Variants in TRAP1 observed in about 807,000 individuals in gnomAD.
The protein encoded by TRAP1 is heat shock protein 75 kDa, mitochondrial.
TRAP1 carries 102 observed loss-of-function variants against 89.1 expected under a neutral mutation model. That is an observed-to-expected ratio of 1.15 (90% CI 0.98 to 1.35). TRAP1 has a LOEUF of 1.35. TRAP1 is among the 40% of genes most tolerant of loss of function. The probability of loss-of-function intolerance (pLI) is 0.00; values close to 1 mark genes in which losing one functional copy is unlikely to be tolerated. For synonymous variants in TRAP1, 508 were observed against 388.0 expected (o/e 1.31, Z -3.64); for missense variants, 1,256 against 945.3 (o/e 1.33, Z -4.31).
At position 3,676,997 on chromosome 16, in the gene TRAP1, T is replaced by A. The variant is rs558057962; in HGVS notation, c.704+501A>T. ...TGAACCTGGGAGGCGGAGGTGGCAG[T>A]GAGCCAAGATTGTGCCATTGCACTC... On this transcript the variant is annotated intron_variant, in intron 6 of 17. Coordinates refer to ENST00000246957, the MANE Select transcript of TRAP1 (RefSeq NM_016292.3). The A allele has an allele frequency of 2.7e-5, 4 of 150,436 alleles. No individual in the cohort carries two copies. In the East Asian group the frequency reaches 7.9e-4, roughly 30 times the overall value. The allele number at this position is 150,436 out of a possible 1,614,324, so 9.3% of individuals were successfully genotyped here.
chr16:3,690,595 C>T (rs530565725), intron 2 of TRAP1, among the ~76,000 whole-genome samples: 24 of 152,252 alleles, frequency 1.6e-4, no homozygotes, highest in Admixed American at 3.3e-4. Flanking sequence ...GGGGAGGTGC[C>T]GGACGGCAAA....
At chr16:3,693,014 G>C (rs2051237266) in intron 1 of TRAP1, among the ~76,000 whole-genome samples, 1 of 151,668 alleles carries the variant, frequency 6.6e-6, no homozygotes. Flanking sequence ...CTGGAGTGCA[G>C]TGATCTCGGC....
intron 17 of TRAP1, 42 bp downstream of exon 17, chr16:3,658,751 G>A (rs1181966883): frequency 5.1e-6 from 8 of 1,580,954 alleles, no homozygotes; most frequent in Admixed American, 1.7e-5. Context: ...GGCAGGGCTG[G>A]TAGCCTGGGT....
Position 3,662,940 on chromosome 16 carries a change from G to C in TRAP1, c.1736C>G (p.Thr579Arg). 4 of 1,612,400 alleles carry C rather than the reference G, an allele frequency of 2.5e-6. No individual in the cohort carries two copies. Among genetic ancestry groups the C allele is most frequent in the Non-Finnish European group, 3.4e-6 (4 of 1,179,970 alleles). ...PAAECLSEKE[T>R]EELMAWMRNV... ...TCTCATCCAGGCCATGAGCTCCTCCGTCTCCTTCTCTGATAGGCACTCGGC... is the reference window on the plus strand; with the variant it reads ...TCTCATCCAGGCCATGAGCTCCTCCCTCTCCTTCTCTGATAGGCACTCGGC... The change falls in exon 15 of 18, where the codon ACG (threonine) becomes AGG (arginine). Residue 579 changes from threonine to arginine, a missense_variant. Physicochemically the swap from Thr to Arg is moderately conservative, Grantham distance 71 (BLOSUM62 -1). Coordinates refer to ENST00000246957, the MANE Select transcript of TRAP1 (RefSeq NM_016292.3).
intron 1 of TRAP1, among the ~76,000 whole-genome samples, chr16:3,701,674 C>T (rs1467491775): frequency 6.6e-6 from 1 of 152,088 alleles, no homozygotes; most frequent in Non-Finnish European, 1.5e-5. Context: ...ACACAGCAAG[C>T]TCTCCACGAG....
rs1179946106 is a variant in TRAP1 at position 3,676,151 on chromosome 16, G to A, written c.705-6C>T. The A allele has an allele frequency of 6.2e-7, 1 of 1,612,352 alleles. No homozygotes were observed. Among genetic ancestry groups the A allele is most frequent in the Admixed American group, 1.7e-5 (1 of 59,712 alleles). On this transcript the variant is annotated splice_region_variant and splice_polypyrimidine_tract_variant and intron_variant, in intron 6 of 17. Transcript: ENST00000246957. ...CGATTTCAAACACTCCAGAACTAAG[G>A]CAGGCAAAGAAAGGAAAAGCCAGGT...
rs763843509 is a variant in TRAP1 at position 3,674,452 on chromosome 16, G to C, written c.931C>G (p.His311Asp). 1.1e-5 allele frequency: 17 copies of C among 1,614,094 alleles called. No homozygotes were observed. The South Asian group carries it at 1.9e-4, about 18-fold the overall frequency. Residue 311 changes from histidine (H) to aspartate (D), a missense_variant, in exon 9 of 18, where the codon CAT becomes GAT. Coordinates refer to ENST00000246957, the MANE Select transcript of TRAP1 (RefSeq NM_016292.3). ...GCGACGTAGCGGTAGAACTCCTCAT[G>C]TTGCCACTCACGGACATCCTTGGGG... The part of the protein sequence containing the change: ...MDPKDVREWQ[H>D]EEFYRYVAQA...
At chr16:3,662,437 C>G (rs1482791817) in intron 15 of TRAP1, 1 of 549,846 alleles carries the variant, frequency 1.8e-6, no homozygotes, top group Non-Finnish European at 3.3e-6. Context: ...GCCCCTTCCT[C>G]CAAGTGACCA....
In TRAP1 at chr16:3,658,967, A is replaced by ACTGT. The variant is rs576945253; in HGVS notation, c.1941-106_1941-103dup. 4.9e-4 allele frequency: 580 copies of ACTGT among 1,191,622 alleles called. 1 individual carries two copies. Among genetic ancestry groups the ACTGT allele is most frequent in the Non-Finnish European group, 6.5e-4 (535 of 821,064 alleles). 73.8% of individuals were successfully genotyped at this position (1,191,622 alleles called of 1,614,324 possible). On this transcript the variant is annotated intron_variant, in intron 16 of 17. Transcript: ENST00000246957. Reference sequence around the variant, plus strand: ...AGGATATTTAAAGAAGCACAGTAAGACTGTCTGTAGTTTTTTAAATAAGGT... The same window carrying ACTGT: ...AGGATATTTAAAGAAGCACAGTAAGACTGTCTGTCTGTAGTTTTTTAAATAAGGT...
At chr16:3,675,681 G>A (rs2074800) in intron 7 of TRAP1, among the ~76,000 whole-genome samples, 17,085 of 152,222 alleles carry the variant, frequency 0.11, 1,566 homozygotes, top group African/African-American at 0.26. Context: ...CTGACTCCTG[G>A]GGGTACTCAG....
chr16:3,660,162 C>T (rs1436984253), intron 16 of TRAP1: 3 of 152,240 alleles, frequency 2.0e-5, no homozygotes, highest in Admixed American at 6.5e-5. Flanking sequence ...GGACCCACTG[C>T]ACAGCAAGTT....
chr16:3,687,676 G>A (rs1217507421), intron 3 of TRAP1, among the ~76,000 whole-genome samples: 1 of 151,992 alleles, frequency 6.6e-6, no homozygotes, highest in Non-Finnish European at 1.5e-5. Context: ...CTCAGCCCAG[G>A]AGTTCAAGAC....
intron 1 of TRAP1, among the ~76,000 whole-genome samples, chr16:3,705,096 G>C (rs564393771): frequency 1.6e-4 from 25 of 151,830 alleles, no homozygotes; most frequent in African/African-American, 5.8e-4. Flanking sequence ...ACGGAGTCTC[G>C]CTCTGTCGCC....
chr16:3,658,682 CAAACAAACAA>C, intron 17 of TRAP1, 101 bp downstream of exon 17: 1 of 1,129,070 alleles, frequency 8.9e-7, no homozygotes, highest in Non-Finnish European at 1.3e-6. Context: ...AAAAAACAAA[CAAACAAACAA>C]AAAGACAGGA....
intron 1 of TRAP1, among the ~76,000 whole-genome samples, chr16:3,707,776 C>T (rs1402649753): frequency 6.6e-6 from 1 of 150,448 alleles, no homozygotes; most frequent in African/African-American, 2.4e-5. Context: ...CTTGCTTGCA[C>T]TCGGGAAGCG....
At chr16:3,668,904 G>A (rs1596705273) in intron 11 of TRAP1, among the ~76,000 whole-genome samples, 1 of 152,204 alleles carries the variant, frequency 6.6e-6, no homozygotes, top group Non-Finnish European at 1.5e-5. Flanking sequence ...AGGATGGGGA[G>A]AGGAACGCAG....
intron 11 of TRAP1, among the ~76,000 whole-genome samples, chr16:3,669,385 C>T (rs146978792): frequency 2.8e-4 from 43 of 152,288 alleles, no homozygotes; most frequent in African/African-American, 9.4e-4. Flanking sequence ...GAAGCCAGCA[C>T]GGCTGTGTGG....
intron 5 of TRAP1, chr16:3,678,487 G>A (rs908359036): frequency 6.6e-6 from 1 of 152,202 alleles, no homozygotes; most frequent in African/African-American, 2.4e-5. Context: ...TTTTTGAGAT[G>A]GAGTGTCGCT....
At chr16:3,671,151 A>G (rs1280099246) in intron 11 of TRAP1, among the ~76,000 whole-genome samples, 2 of 151,870 alleles carry the variant, frequency 1.3e-5, no homozygotes, top group African/African-American at 4.8e-5. Flanking sequence ...CTGAATCCTC[A>G]CCCCACAGGC....
Sources: allele counts gnomAD v4.1 joint callset (sites outside exome capture counted in the v4.1 genomes callset), GRCh38; gene constraint gnomAD v4.1.1; transcripts MANE v1.5; gene names NCBI Gene and HGNC (gene_info 2026-07-23, HGNC 2026-07-21).